The following RHOA variants were observed in gnomAD, a reference collection of about 807,000 sequenced individuals.
RHOA encodes transforming protein RhoA.
RHOA carries 3 observed loss-of-function variants against 17.5 expected under a neutral mutation model. The observed-to-expected ratio is 0.17, with a 90% CI of 0.08 to 0.44. The LOEUF (loss-of-function observed/expected upper bound fraction) is 0.44. RHOA is among the 20% of genes least tolerant of loss of function. RHOA has a pLI of 0.99. For missense variants in RHOA, 56 were observed against 242.3 expected, an observed-to-expected ratio of 0.23 and a Z score of 5.10; for synonymous variants, 98 against 88.4, an observed-to-expected ratio of 1.11 and a Z score of -0.61.
chr3:49,388,434 T>C (rs2048436646), intron 1 of RHOA, among the ~76,000 whole-genome samples: 1 of 152,196 alleles, frequency 6.6e-6, no homozygotes, highest in African/African-American at 2.4e-5. Flanking sequence ...TCAAAGTGAT[T>C]TCCTGGGATA....
Position 49,389,708 on chromosome 3 carries a change from G to A in RHOA, c.-2-14117C>T, listed in dbSNP as rs540608930. On this transcript the variant is annotated intron_variant, in intron 1 of 4. Coordinates refer to ENST00000418115, the MANE Select transcript of RHOA (RefSeq NM_001664.4). ...TGTAATCCCAGCACTTTGGGAGGCC[G>A]AGGCAGGCGGATCACGAGGTCAGGA... is the stretch of plus-strand genomic sequence containing the variant. Among the ~76,000 whole-genome samples the A allele has an allele frequency of 1.4e-4, 21 of 152,182 alleles. No homozygotes were observed. The South Asian group carries it at 2.3e-3, about 17-fold the overall frequency.
intron 4 of RHOA, 111 bp from the exon 5 acceptor site, chr3:49,360,493 T>G: frequency 1.6e-6 from 2 of 1,222,060 alleles, no homozygotes; most frequent in Non-Finnish European, 2.2e-6. Flanking sequence ...TTGAGACAGT[T>G]TTGCTCGTCG....
intron 1 of RHOA, among the ~76,000 whole-genome samples, chr3:49,405,176 T>A (rs923552106): frequency 6.8e-6 from 1 of 146,026 alleles, no homozygotes; most frequent in Non-Finnish European, 1.5e-5. Context: ...GAGAACTGCT[T>A]GAACTCGGAG....
intron 1 of RHOA, among the ~76,000 whole-genome samples, chr3:49,387,077 A>G (rs1431558888): frequency 3.1e-5 from 4 of 127,250 alleles, no homozygotes; most frequent in Non-Finnish European, 6.4e-5. Context: ...AGATCACGCC[A>G]TTCCACTCCA....
intron 1 of RHOA, among the ~76,000 whole-genome samples, chr3:49,402,041 T>C (rs2048731524): frequency 6.6e-6 from 1 of 152,172 alleles, no homozygotes; most frequent in South Asian, 2.1e-4. Context: ...GAAGAAAACC[T>C]TCAATTTACT....
chr3:49,393,876 AT>A lies in RHOA; in HGVS notation c.-3+17943del, dbSNP rs751455504. 4.7e-3 allele frequency among the ~76,000 whole-genome samples: 644 copies of A among 136,578 alleles called. 4 individuals are homozygous for A. Among genetic ancestry groups the A allele is most frequent in the East Asian group, 0.015 (69 of 4,618 alleles). 89.6% of individuals were successfully genotyped at this position (136,578 alleles called of 152,430 possible). A position where few individuals can be genotyped will look rare whatever the true frequency, so the allele number is the denominator to read the frequency against. ...AGGCATGCACCACTACGCCTGGCTA[AT>A]TTTTTTTTTTTTGAGATGGAGTCTC... On this transcript the variant is annotated intron_variant, in intron 1 of 4. Coordinates refer to ENST00000418115, the MANE Select transcript of RHOA (RefSeq NM_001664.4).
intron 4 of RHOA, among the ~76,000 whole-genome samples, chr3:49,362,122 G>A (rs2047982847): frequency 6.6e-6 from 1 of 151,616 alleles, no homozygotes; most frequent in Non-Finnish European, 1.5e-5. Context: ...CGGAGGCGGA[G>A]GTTGCAGTGA....
intron 3 of RHOA, among the ~76,000 whole-genome samples, chr3:49,364,639 C>A (rs1037097278): frequency 1.3e-5 from 2 of 150,750 alleles, no homozygotes; most frequent in African/African-American, 4.9e-5. Context: ...CCAGCCTGGG[C>A]GACAGAGCGA....
At chr3:49,364,480 C>T (rs1400097732) in intron 3 of RHOA, among the ~76,000 whole-genome samples, 1 of 150,224 alleles carries the variant, frequency 6.7e-6, no homozygotes, top group Non-Finnish European at 1.5e-5. Flanking sequence ...AGCGAAACTC[C>T]GTCTCAAAAA....
At chr3:49,375,346 GAA>G (rs1385108272) in intron 2 of RHOA, 86 bp downstream of exon 2, 26 of 1,291,212 alleles carry the variant, frequency 2.0e-5, no homozygotes, top group Non-Finnish European at 2.7e-5. Flanking sequence ...ATGGTATACT[GAA>G]GAGGCAAAAA....
At chr3:49,401,557 T>TC (rs2048725438) in intron 1 of RHOA, among the ~76,000 whole-genome samples, 1 of 20,022 alleles carries the variant, frequency 5.0e-5, no homozygotes, top group African/African-American at 1.3e-4. Flanking sequence ...AAACTCTGTC[T>TC]CAAAAAAAAA....
At chr3:49,398,682 T>C (rs1035492809) in intron 1 of RHOA, among the ~76,000 whole-genome samples, 1 of 143,780 alleles carries the variant, frequency 7.0e-6, no homozygotes, top group African/African-American at 2.6e-5. Flanking sequence ...AAAAAAGAAA[T>C]ACAAAAAATT....
At chr3:49,410,428 G>A (rs1471054746) in intron 1 of RHOA, among the ~76,000 whole-genome samples, 1 of 152,124 alleles carries the variant, frequency 6.6e-6, no homozygotes. Context: ...AGAACAGAGA[G>A]GATAAATCTA....
chr3:49,378,031 C>T (rs1446475512), intron 1 of RHOA, among the ~76,000 whole-genome samples: 2 of 151,312 alleles, frequency 1.3e-5, no homozygotes, highest in African/African-American at 4.9e-5. Flanking sequence ...CACCTGTAAT[C>T]CCAGTTACTC....
intron 1 of RHOA, among the ~76,000 whole-genome samples, chr3:49,381,876 AAGAC>A (rs1443712653): frequency 1.3e-4 from 19 of 151,784 alleles, no homozygotes; most frequent in African/African-American, 3.6e-4. Context: ...AAAAAAAAAA[AAGAC>A]AGAGAGTGAA....
At chr3:49,407,402 GT>G (rs1173102146) in intron 1 of RHOA, among the ~76,000 whole-genome samples, 3 of 151,804 alleles carry the variant, frequency 2.0e-5, no homozygotes, top group Non-Finnish European at 4.4e-5. Context: ...CCCAGCTAAT[GT>G]TTTGTATTTT....
chr3:49,362,766 A>ATT, intron 3 of RHOA, 140 bp from the exon 4 acceptor site: 2 of 686,246 alleles, frequency 2.9e-6, no homozygotes, highest in Non-Finnish European at 4.9e-6. Context: ...CACTAGTTTC[A>ATT]AAACCATAAA....
chr3:49,407,022 C>CCAG (rs1273371258), intron 1 of RHOA, among the ~76,000 whole-genome samples: 3 of 151,664 alleles, frequency 2.0e-5, no homozygotes, highest in Non-Finnish European at 4.4e-5. Context: ...ACACACACAC[C>CCAG]TGTAGTCCCA....
At chr3:49,394,240 G>T (rs752222855) in intron 1 of RHOA, among the ~76,000 whole-genome samples, 2 of 152,008 alleles carry the variant, frequency 1.3e-5, no homozygotes, top group Non-Finnish European at 2.9e-5. Flanking sequence ...TCCTGACCTC[G>T]CGATCTGCCT....
Sources: gnomAD v4.1 joint callset for allele counts (sites outside exome capture counted in the v4.1 genomes callset) on GRCh38, gnomAD v4.1.1 for gene constraint, MANE v1.5 for transcripts, NCBI Gene and HGNC (gene_info 2026-07-23, HGNC 2026-07-21) for gene names.